The following CFAP221 variants were observed in gnomAD, a reference collection of about 807,000 sequenced individuals.
CFAP221 encodes the protein cilia- and flagella-associated protein 221.
In CFAP221, 97 loss-of-function variants were observed where a neutral mutation model predicts 113.1. That is an observed-to-expected ratio of 0.86 (90% confidence interval 0.73 to 1.02). CFAP221 has a LOEUF of 1.02. Among genes scored for constraint, CFAP221 ranks in the 50% least tolerant of loss-of-function variants. The probability of loss-of-function intolerance (pLI) is 0.00; values close to 1 mark genes in which losing one functional copy is unlikely to be tolerated. For missense variants in CFAP221, 1,025 were observed against 1,013.4 expected (o/e 1.01, Z -0.16); for synonymous variants, 331 against 354.4 (o/e 0.93, Z 0.74).
intron 12 of CFAP221, among the ~76,000 whole-genome samples, chr2:119,610,719 G>C (rs1033201119): frequency 6.6e-6 from 1 of 152,066 alleles, no homozygotes; most frequent in Non-Finnish European, 1.5e-5. Flanking sequence ...TCTGATTAGG[G>C]TGTTAATGTG....
chr2:119,630,373 A>T (rs1366143939), intron 17 of CFAP221, among the ~76,000 whole-genome samples, 197 bp from the exon 18 acceptor site: 1 of 152,186 alleles, frequency 6.6e-6, no homozygotes, highest in Non-Finnish European at 1.5e-5. Flanking sequence ...GTGTGCTGAA[A>T]CCCAGAACAG....
chr2:119,639,872 G>C lies in CFAP221; in HGVS notation c.2225G>C (p.Ser742Thr). 1 of 1,612,540 alleles carries C rather than the reference G, an allele frequency of 6.2e-7. No individual in the cohort carries two copies. Among genetic ancestry groups the C allele is most frequent in the Non-Finnish European group, 8.5e-7 (1 of 1,178,596 alleles). Residue 742 changes from serine (S) to threonine (T), a missense_variant and splice_region_variant, in exon 21 of 24, where the codon AGC (serine) becomes ACC (threonine). Transcript: ENST00000413369. Reference sequence around the variant, plus strand: ...CCCTCCAAGATGGAGACCACAAAGAGGTAAGCACAGCTCATCTGTTTGCTC... The same window carrying C: ...CCCTCCAAGATGGAGACCACAAAGACGTAAGCACAGCTCATCTGTTTGCTC... ...PDPSKMETTK[S>T]CDSFNSFMLP... is the part of the protein sequence containing the mutation.
At chr2:119,636,166 C>G (rs1380893029) in intron 19 of CFAP221, among the ~76,000 whole-genome samples, 4 of 152,178 alleles carry the variant, frequency 2.6e-5, no homozygotes, top group African/African-American at 9.7e-5. Flanking sequence ...GTAATCCAAG[C>G]CTCTACTTGG....
rs745665268 is a variant in CFAP221, at chr2:119,611,692, C to T, written c.1261C>T (p.Arg421Ter). The T allele has an allele frequency of 5.0e-5, 81 of 1,613,594 alleles. No homozygotes were observed. Among genetic ancestry groups the T allele is most frequent in the Admixed American group, 8.4e-5 (5 of 59,862 alleles). Residue 421 changes from arginine to a stop codon, truncating the protein, a stop_gained, in exon 13 of 24, where the codon CGA (arginine) becomes TGA (stop). Transcript: ENST00000413369. LOFTEE classifies it high-confidence loss of function. ...TCCTATTTTGGATGAGGAATTTCAG[C>T]GACTTAAAACAGAAGTTAGCCATAA... The part of the protein sequence containing the change: ...GDPILDEEFQ[R>*]LKTEVSHKRV...
At chr2:119,645,617 C>A (rs1251124368) in intron 21 of CFAP221, among the ~76,000 whole-genome samples, 3 of 151,860 alleles carry the variant, frequency 2.0e-5, no homozygotes, top group African/African-American at 7.3e-5. Context: ...TCATACTTGA[C>A]AAGGGGGTGC....
chr2:119,628,630 A>C (rs935597710), intron 16 of CFAP221, among the ~76,000 whole-genome samples: 2 of 152,240 alleles, frequency 1.3e-5, no homozygotes, highest in Non-Finnish European at 2.9e-5. Flanking sequence ...TTGCAAGTGC[A>C]TGTGCAAAAT....
In CFAP221 at chr2:119,656,556, C is replaced by A. The variant is rs1688448282; in HGVS notation, c.*86C>A. ...TCCATTTACATGCCAGCCATCTCTG[C>A]AATTAAAGTTTCTGGATAAAAAAAT... is the stretch of plus-strand genomic sequence containing the variant. On this transcript the variant is annotated 3_prime_UTR_variant, in exon 24 of 24. Transcript: ENST00000413369. 3.6e-6 allele frequency: 3 copies of A among 824,740 alleles called. No individual in the cohort carries two copies. Among genetic ancestry groups the A allele is most frequent in the Non-Finnish European group, 4.0e-6 (2 of 502,420 alleles). The allele number at this position is 824,740 out of a possible 1,614,324, so 51.1% of individuals were successfully genotyped here. A position where few individuals can be genotyped will look rare whatever the true frequency, so the allele number is the denominator to read the frequency against.
intron 23 of CFAP221, 148 bp downstream of exon 23, chr2:119,652,217 A>G (rs746386547): frequency 1.2e-4 from 65 of 549,812 alleles, no homozygotes; most frequent in Non-Finnish European, 1.9e-4. Flanking sequence ...TTAGATGTGT[A>G]TTTTATTTTA....
intron 3 of CFAP221, among the ~76,000 whole-genome samples, chr2:119,549,811 G>A (rs1680297538): frequency 6.6e-6 from 1 of 152,218 alleles, no homozygotes; most frequent in African/African-American, 2.4e-5. Context: ...ACAGGCTCCT[G>A]AAGAGACAGC....
chr2:119,545,003 A>C (rs1452233915), intron 1 of CFAP221: 2 of 149,186 alleles, frequency 1.3e-5, no homozygotes, highest in Admixed American at 1.3e-4. Context: ...GGAGGGGGCC[A>C]TGCAGCCTTC....
chr2:119,618,848 C>G (rs778219899), intron 14 of CFAP221, among the ~76,000 whole-genome samples: 2 of 152,162 alleles, frequency 1.3e-5, no homozygotes, highest in African/African-American at 4.8e-5. Flanking sequence ...TTGAAATTCT[C>G]GCTGCCAGCA....
intron 3 of CFAP221, among the ~76,000 whole-genome samples, chr2:119,550,389 C>G (rs1021092766): frequency 6.6e-6 from 1 of 152,160 alleles, no homozygotes; most frequent in African/African-American, 2.4e-5. Flanking sequence ...TTCCATGAAT[C>G]CTTATACAAT....
chr2:119,562,666 C>T (rs1681341353), intron 6 of CFAP221, among the ~76,000 whole-genome samples: 2 of 152,196 alleles, frequency 1.3e-5, no homozygotes. Context: ...TGCTCAGATT[C>T]TCTCCTTTTT....
chr2:119,562,132 C>A lies in CFAP221; in HGVS notation c.527+18C>A. On this transcript the variant is annotated intron_variant, in intron 6 of 23. Coordinates refer to ENST00000413369, the MANE Select transcript of CFAP221 (RefSeq NM_001271049.2). The stretch of plus-strand genomic sequence containing the variant: ...GGTGAAAGGTGAGTTACCAAAATGT[C>A]AACAAAATGTATAGGATGTGAAAAA... 1 of 1,467,454 alleles carries A rather than the reference C, an allele frequency of 6.8e-7. No individual in the cohort carries two copies. Among genetic ancestry groups the A allele is most frequent in the South Asian group, 1.2e-5 (1 of 81,952 alleles). The allele number at this position is 1,467,454 out of a possible 1,614,324, so 90.9% of individuals were successfully genotyped here.
chr2:119,591,010 A>G (rs1683558141), intron 7 of CFAP221, among the ~76,000 whole-genome samples: 1 of 152,176 alleles, frequency 6.6e-6, no homozygotes, highest in South Asian at 2.1e-4. Context: ...GAAAACACAT[A>G]GTGGCTATAT....
At position 119,579,346 on chromosome 2, in the gene CFAP221, G is replaced by T. The variant is rs550905396; in HGVS notation, c.528-7773G>T. Reference sequence around the variant, plus strand: ...TTCTTCATTGTATATCAGATTTAATGGTATTTAACAATGAGAATTTAGTTT... The same window carrying T: ...TTCTTCATTGTATATCAGATTTAATTGTATTTAACAATGAGAATTTAGTTT... On this transcript the variant is annotated intron_variant, in intron 6 of 23. Transcript: ENST00000413369. 5.3e-5 allele frequency among the ~76,000 whole-genome samples: 8 copies of T among 151,630 alleles called. No homozygotes were observed. In the East Asian group the frequency reaches 1.5e-3, roughly 29 times the overall value.
At chr2:119,593,622 G>A (rs1357621388) in intron 7 of CFAP221, among the ~76,000 whole-genome samples, 5 of 152,236 alleles carry the variant, frequency 3.3e-5, no homozygotes, top group East Asian at 1.9e-4. Flanking sequence ...GGCGGATCAC[G>A]AGGTCAGGAG....
chr2:119,583,873 A>G (rs1683021042), intron 6 of CFAP221, among the ~76,000 whole-genome samples: 1 of 152,210 alleles, frequency 6.6e-6, no homozygotes, highest in Non-Finnish European at 1.5e-5. Context: ...TGAACCAGGA[A>G]GTGGGCCTGC....
At position 119,629,928 on chromosome 2, in the gene CFAP221, G is replaced by A. The variant is rs1456866211; in HGVS notation, c.1704G>A (p.Lys568=). ...VPIKSSEVQI[K]QSYSFFNLQV... is the part of the protein sequence containing the mutation. ...TTAAGTCTTCAGAAGTTCAAATCAA[G>A]CAGAGTTATTCCTTCTTCAATCTGC... The change falls in exon 17 of 24, where the codon AAG becomes AAA. Residue 568 remains lysine (K), a synonymous_variant. Coordinates refer to ENST00000413369, the MANE Select transcript of CFAP221 (RefSeq NM_001271049.2). 3.1e-6 allele frequency: 5 copies of A among 1,613,348 alleles called. No individual in the cohort carries two copies. Among genetic ancestry groups the A allele is most frequent in the Non-Finnish European group, 4.2e-6 (5 of 1,179,460 alleles).
Sources: gnomAD v4.1 joint callset for allele counts (sites outside exome capture counted in the v4.1 genomes callset) on GRCh38, gnomAD v4.1.1 for gene constraint, MANE v1.5 for transcripts, NCBI Gene and HGNC (gene_info 2026-07-23, HGNC 2026-07-21) for gene names.